COBLL1: variants seen among roughly 807,000 people sequenced by gnomAD.
COBLL1 encodes the protein cordon-bleu protein-like 1.
A neutral mutation model predicts 94.8 loss-of-function variants in COBLL1; 50 were observed. The ratio of observed to expected loss-of-function variants is 0.53; its 90% CI spans 0.42 to 0.67. The LOEUF is 0.67. Among genes scored for constraint, COBLL1 ranks in the 30% least tolerant of loss-of-function variants. The probability of loss-of-function intolerance (pLI) is 0.00; values close to 1 mark genes in which losing one functional copy is unlikely to be tolerated. For synonymous variants in COBLL1, 448 were observed against 473.8 expected (o/e 0.95, Z 0.71); for missense variants, 1,362 against 1,348.7 (o/e 1.01, Z -0.15).
At chr2:164,727,919 A>G in intron 5 of COBLL1, 50 bp downstream of exon 5, 1 of 1,267,920 alleles carries the variant, frequency 7.9e-7, no homozygotes, top group Non-Finnish European at 1.1e-6. Context: ...GCACAAACAT[A>G]TACAAATATA....
At chr2:164,659,349 C>G (rs1470616909) in intron 2 of COBLL1, among the ~76,000 whole-genome samples, 1 of 152,180 alleles carries the variant, frequency 6.6e-6, no homozygotes, top group Non-Finnish European at 1.5e-5. Flanking sequence ...AAGGGAAACA[C>G]TAAAAGGTCC....
chr2:164,786,760 C>T (rs1425794656), intron 2 of COBLL1, among the ~76,000 whole-genome samples: 1 of 152,128 alleles, frequency 6.6e-6, no homozygotes, highest in African/African-American at 2.4e-5. Context: ...CTTACCCACA[C>T]CATTCTAATG....
chr2:164,717,555 T>A (rs1053249678), intron 7 of COBLL1, among the ~76,000 whole-genome samples: 17 of 152,246 alleles, frequency 1.1e-4, no homozygotes, highest in African/African-American at 3.6e-4. Flanking sequence ...TATTTTAAAA[T>A]TCATTATTAT....
chr2:164,713,214 T>C (rs562250199), intron 7 of COBLL1, among the ~76,000 whole-genome samples: 5 of 152,242 alleles, frequency 3.3e-5, no homozygotes, highest in African/African-American at 1.2e-4. Context: ...ACTGATGGCA[T>C]AGAAAATCTT....
Position 164,685,847 on chromosome 2 carries a change from A to G in COBLL1, c.*99T>C, listed in dbSNP as rs1683249142. On this transcript the variant is annotated 3_prime_UTR_variant, in exon 14 of 14. Transcript: ENST00000652658. ...AAATTCTAATATTTTAATAGATAAT[A>G]TATTAGTGTACATCTGAATATACAT... 1.9e-6 allele frequency: 1 copy of G among 529,496 alleles called. No homozygotes were observed. The highest frequency in any genetic ancestry group is 3.3e-5 in the East Asian group (1 of 30,768). The allele number at this position is 529,496 out of a possible 1,614,324, so 32.8% of individuals were successfully genotyped here. A position where few individuals can be genotyped will look rare whatever the true frequency, so the allele number is the denominator to read the frequency against.
intron 4 of COBLL1, among the ~76,000 whole-genome samples, 169 bp from the exon 5 acceptor site, chr2:164,728,366 A>T (rs922873595): frequency 6.6e-6 from 1 of 152,072 alleles, no homozygotes; most frequent in Non-Finnish European, 1.5e-5. Flanking sequence ...CCTAAATCCA[A>T]AGCAAGTTCT....
At chr2:164,721,995 G>GA (rs2105498816) in intron 7 of COBLL1, 80 bp downstream of exon 7, 2 of 1,068,692 alleles carry the variant, frequency 1.9e-6, no homozygotes, top group South Asian at 3.2e-5. Context: ...AGTCTACCTA[G>GA]AAAAGATGTT....
intron 5 of COBLL1, chr2:164,727,098 C>A (rs756232571): frequency 6.9e-7 from 1 of 1,452,722 alleles, no homozygotes; most frequent in Non-Finnish European, 9.4e-7. Context: ...CTGATTCATA[C>A]ATCTTACCTT....
rs560843965 is a variant in COBLL1, at chr2:164,728,707, G to A, written c.433-510C>T. 5.3e-5 allele frequency among the ~76,000 whole-genome samples: 8 copies of A among 151,910 alleles called. No individual in the cohort carries two copies. The South Asian group carries it at 1.5e-3, about 28-fold the overall frequency. On this transcript the variant is annotated intron_variant, in intron 4 of 13. Coordinates refer to ENST00000652658, the MANE Select transcript of COBLL1 (RefSeq NM_001365672.2). ...TATGAAAAGCTTAGCAGACTTCCTG[G>A]CACATAGTCATTTATCAATAAGAGA...
At chr2:164,746,783 C>T (rs1300749892) in intron 2 of COBLL1, among the ~76,000 whole-genome samples, 1 of 151,976 alleles carries the variant, frequency 6.6e-6, no homozygotes, top group East Asian at 1.9e-4. Context: ...CACTTTCTCC[C>T]TAGGATCACT....
intron 3 of COBLL1, among the ~76,000 whole-genome samples, chr2:164,737,502 A>G (rs1686367424): frequency 6.6e-6 from 1 of 152,210 alleles, no homozygotes; most frequent in African/African-American, 2.4e-5. Flanking sequence ...CTTTTGTTTT[A>G]GGCAATTACA....
At chr2:164,830,258 C>T (rs780089431) in intron 2 of COBLL1, among the ~76,000 whole-genome samples, 3 of 152,260 alleles carry the variant, frequency 2.0e-5, no homozygotes, top group East Asian at 1.9e-4. Context: ...GCCAGAAAGT[C>T]GGTCTCTACC....
intron 7 of COBLL1, among the ~76,000 whole-genome samples, chr2:164,710,814 C>T (rs56190525): frequency 0.096 from 14,573 of 151,974 alleles, 926 homozygotes; most frequent in Non-Finnish European, 0.14. Flanking sequence ...CCACCTGCCT[C>T]GGCCTCCCAA....
intron 2 of COBLL1, among the ~76,000 whole-genome samples, chr2:164,774,927 A>G (rs1393972841): frequency 6.6e-6 from 1 of 152,054 alleles, no homozygotes; most frequent in African/African-American, 2.4e-5. Context: ...TGACTGCAGT[A>G]ATCATCTCAA....
At chr2:164,754,217 A>G (rs1687278803) in intron 2 of COBLL1, among the ~76,000 whole-genome samples, 1 of 152,170 alleles carries the variant, frequency 6.6e-6, no homozygotes, top group Admixed American at 6.5e-5. Context: ...TGTTAAAATA[A>G]TATTTTTATA....
intron 2 of COBLL1, among the ~76,000 whole-genome samples, chr2:164,784,672 A>G (rs1688868417): frequency 6.6e-6 from 1 of 152,032 alleles, no homozygotes; most frequent in Non-Finnish European, 1.5e-5. Context: ...CTAAGCCCTT[A>G]GAGGAGGCCA....
intron 2 of COBLL1, among the ~76,000 whole-genome samples, chr2:164,824,230 A>G (rs1685321419): frequency 6.6e-6 from 1 of 151,922 alleles, no homozygotes; most frequent in South Asian, 2.1e-4. Flanking sequence ...AAAAATAAAA[A>G]ATTATCTGGG....
At position 164,692,266 on chromosome 2, in the gene COBLL1, C is replaced by T. The variant is rs1683647826; in HGVS notation, c.3255G>A (p.Leu1085=). The change falls in exon 13 of 14, where the codon TTG becomes TTA. Residue 1085 remains leucine, a synonymous_variant. Coordinates refer to ENST00000652658, the MANE Select transcript of COBLL1 (RefSeq NM_001365672.2). ...CCTCTCCCGAACGGATTGCAGTCAG[C>T]AAACTCTGTCGCATCTGTTCTGGGT... ...SSDPEQMRQS[L]LTAIRSGEAA... is the part of the protein sequence containing the mutation. 6.2e-7 allele frequency: 1 copy of T among 1,612,592 alleles called. No homozygotes were observed. The highest frequency in any genetic ancestry group is 1.3e-5 in the African/African-American group (1 of 74,816).
At chr2:164,798,579 T>C (rs1683592462) in intron 2 of COBLL1, among the ~76,000 whole-genome samples, 1 of 152,220 alleles carries the variant, frequency 6.6e-6, no homozygotes, top group Non-Finnish European at 1.5e-5. Flanking sequence ...GTCATTTTCT[T>C]GAGAGGGAGT....
Sources: allele counts gnomAD v4.1 joint callset (sites outside exome capture counted in the v4.1 genomes callset), GRCh38; gene constraint gnomAD v4.1.1; transcripts MANE v1.5; gene names NCBI Gene and HGNC (gene_info 2026-07-23, HGNC 2026-07-21).